CAST: variants seen among roughly 807,000 people sequenced by gnomAD.
The protein encoded by CAST is calpastatin, also known as MIR583 host.
A neutral mutation model predicts 119.6 loss-of-function variants in CAST; 76 were observed. The ratio of observed to expected loss-of-function variants is 0.64; its 90% CI spans 0.53 to 0.77. The LOEUF (loss-of-function observed/expected upper bound fraction) is 0.77, where lower values mean the gene tolerates loss of function less well. CAST is among the 30% of genes least tolerant of loss of function. The probability of loss-of-function intolerance (pLI) is 0.00; values close to 1 mark genes in which losing one functional copy is unlikely to be tolerated. For missense variants in CAST, 953 were observed against 946.5 expected, an observed-to-expected ratio of 1.01 and a Z score of -0.09; for synonymous variants, 319 against 331.6, an observed-to-expected ratio of 0.96 and a Z score of 0.41.
chr5:96,383,646 C>T, the CAST span, among the ~76,000 whole-genome samples: 2 of 152,134 alleles, frequency 1.3e-5, no homozygotes, highest in Admixed American at 6.5e-5. Context: ...TGAGGTTTCA[C>T]CATGTTGGCC....
intron 3 of CAST, among the ~76,000 whole-genome samples, chr5:96,709,360 T>A (rs375362584): frequency 2.6e-5 from 4 of 152,246 alleles, no homozygotes; most frequent in African/African-American, 7.2e-5. Flanking sequence ...CCAACTGTTA[T>A]ATCTGTTTCT....
the CAST span, among the ~76,000 whole-genome samples, chr5:96,331,839 A>C: frequency 6.6e-6 from 1 of 152,200 alleles, no homozygotes; most frequent in African/African-American, 2.4e-5. Context: ...ATCCTTGTCT[A>C]ACTGGTTTTG....
chr5:96,066,265 G>A, the CAST span, among the ~76,000 whole-genome samples: 1 of 152,048 alleles, frequency 6.6e-6, no homozygotes, highest in African/African-American at 2.4e-5. Context: ...TAGACAGCCT[G>A]TATCCCTTTT....
the CAST span, among the ~76,000 whole-genome samples, chr5:96,172,896 C>T: frequency 6.6e-6 from 1 of 152,214 alleles, no homozygotes; most frequent in South Asian, 2.1e-4. Flanking sequence ...ACCATAACTT[C>T]CACTGCTGAG....
At chr5:96,447,564 AAGGGC>A in the CAST span, among the ~76,000 whole-genome samples, 1 of 152,192 alleles carries the variant, frequency 6.6e-6, no homozygotes, top group Non-Finnish European at 1.5e-5. Flanking sequence ...GAAAATAGAC[AAGGGC>A]AGAACCTTAA....
chr5:96,060,442 A>C, the CAST span, among the ~76,000 whole-genome samples: 1 of 152,124 alleles, frequency 6.6e-6, no homozygotes, highest in African/African-American at 2.4e-5. Flanking sequence ...CCTGGGGTCT[A>C]TTGGTTTGGG....
intron 1 of CAST, among the ~76,000 whole-genome samples, chr5:96,567,959 G>A (rs1398187477): frequency 6.6e-6 from 1 of 152,166 alleles, no homozygotes; most frequent in East Asian, 1.9e-4. Context: ...GAGGGTGGCA[G>A]GGGAGGCAGG....
At chr5:96,475,432 T>C in the CAST span, among the ~76,000 whole-genome samples, 1 of 152,230 alleles carries the variant, frequency 6.6e-6, no homozygotes, top group Non-Finnish European at 1.5e-5. Flanking sequence ...TCTCTGAATG[T>C]TGTCCTTTCA....
At chr5:96,640,842 G>T (rs1310198501) in intron 1 of CAST, among the ~76,000 whole-genome samples, 3 of 152,174 alleles carry the variant, frequency 2.0e-5, no homozygotes, top group Non-Finnish European at 4.4e-5. Context: ...ATCCCCAAAG[G>T]GGGCAGACCT....
chr5:96,067,096 A>G, the CAST span, among the ~76,000 whole-genome samples: 3 of 152,210 alleles, frequency 2.0e-5, no homozygotes, highest in African/African-American at 7.2e-5. Flanking sequence ...CAATAAAACT[A>G]CATCTGTGGG....
intron 1 of CAST, among the ~76,000 whole-genome samples, chr5:96,610,066 A>ATTATTGG (rs1192964558): frequency 6.6e-6 from 1 of 152,184 alleles, no homozygotes; most frequent in Admixed American, 6.5e-5. Context: ...AGGTAATTGA[A>ATTATTGG]TTATTGGGGG....
the CAST span, among the ~76,000 whole-genome samples, chr5:96,367,790 G>C: frequency 6.6e-6 from 1 of 151,904 alleles, no homozygotes; most frequent in Non-Finnish European, 1.5e-5. Context: ...GTGATGCCTC[G>C]CCCTGCTTTG....
At chr5:95,961,989 G>A in the CAST span, 3 of 423,528 alleles carry the variant, frequency 7.1e-6, no homozygotes, top group Non-Finnish European at 1.2e-5. Context: ...TCACGGGGGC[G>A]GGCCCAAAGT....
intron 1 of CAST, among the ~76,000 whole-genome samples, chr5:96,535,478 G>A (rs1318198542): frequency 1.3e-5 from 2 of 151,730 alleles, no homozygotes; most frequent in Non-Finnish European, 2.9e-5. Flanking sequence ...CTCTGGGGAG[G>A]AAGAACAGGC....
At chr5:96,034,263 T>G in the CAST span, among the ~76,000 whole-genome samples, 1 of 152,040 alleles carries the variant, frequency 6.6e-6, no homozygotes, top group East Asian at 1.9e-4. Flanking sequence ...TATCATCACC[T>G]CACGTCTGTT....
chr5:96,628,986 G>A (rs938063454), intron 1 of CAST, among the ~76,000 whole-genome samples: 21 of 152,306 alleles, frequency 1.4e-4, no homozygotes, highest in Admixed American at 7.2e-4. Flanking sequence ...CCCTCTGGGT[G>A]GGCCAAGGCT....
chr5:96,078,863 C>T, the CAST span, among the ~76,000 whole-genome samples: 2 of 152,038 alleles, frequency 1.3e-5, no homozygotes, highest in African/African-American at 4.8e-5. Flanking sequence ...CATGTTCTCA[C>T]TTATAAGTGG....
At chr5:96,749,428 G>T (rs1375483001) in intron 19 of CAST, among the ~76,000 whole-genome samples, 1 of 152,202 alleles carries the variant, frequency 6.6e-6, no homozygotes, top group Non-Finnish European at 1.5e-5. Context: ...TGAACGAAGA[G>T]ATCATATCCT....
At chr5:96,079,789 T>G in the CAST span, among the ~76,000 whole-genome samples, 1 of 152,206 alleles carries the variant, frequency 6.6e-6, no homozygotes, top group Non-Finnish European at 1.5e-5. Flanking sequence ...CTTAACCATG[T>G]TTTGTTTCTT....
Sources: allele counts gnomAD v4.1 joint callset (sites outside exome capture counted in the v4.1 genomes callset), GRCh38; gene constraint gnomAD v4.1.1; transcripts MANE v1.5; gene names NCBI Gene and HGNC (gene_info 2026-07-23, HGNC 2026-07-21).